The following LBH variants were observed in gnomAD, a reference collection of about 807,000 sequenced individuals.
LBH encodes LBH regulator of Wnt signaling pathway, also known as protein LBH.
LBH carries 7 observed loss-of-function variants against 12.5 expected under a neutral mutation model. The ratio of observed to expected loss-of-function variants is 0.56; its 90% confidence interval spans 0.32 to 1.05. LBH has a LOEUF of 1.05. Ranked by LOEUF, LBH falls within the 50% of genes least tolerant of loss-of-function variation. The pLI, the probability that LBH is intolerant of heterozygous loss-of-function variation, is 0.04. For missense variants in LBH, 119 were observed against 138.9 expected (o/e 0.86, Z 0.72); for synonymous variants, 51 against 50.1 (o/e 1.02, Z -0.08).
chr2:30,246,008 G>A (rs1409684518), intron 2 of LBH, among the ~76,000 whole-genome samples: 1 of 149,566 alleles, frequency 6.7e-6, no homozygotes, highest in African/African-American at 2.5e-5. Flanking sequence ...CCGTCACCCA[G>A]GATGCAGTGG....
At chr2:30,237,690 G>A (rs1227233191) in intron 2 of LBH, among the ~76,000 whole-genome samples, 1 of 152,188 alleles carries the variant, frequency 6.6e-6, no homozygotes, top group East Asian at 1.9e-4. Flanking sequence ...TCCCCTGAAA[G>A]ATTCAAGGAA....
intron 2 of LBH, among the ~76,000 whole-genome samples, chr2:30,251,285 G>A (rs1003904876): frequency 2.0e-5 from 3 of 151,922 alleles, no homozygotes; most frequent in African/African-American, 4.8e-5. Flanking sequence ...ACTGGACAGC[G>A]CAGATAGAGA....
chr2:30,238,693 G>C (rs1354478153), intron 2 of LBH, among the ~76,000 whole-genome samples: 1 of 152,124 alleles, frequency 6.6e-6, no homozygotes, highest in East Asian at 1.9e-4. Flanking sequence ...GCAGGCTAGC[G>C]GGCTGACTTT....
chr2:30,240,296 C>T (rs766058195), intron 2 of LBH, among the ~76,000 whole-genome samples: 3 of 152,152 alleles, frequency 2.0e-5, no homozygotes, highest in South Asian at 2.1e-4. Context: ...CGGTCTCCCA[C>T]GTTGGATAGA....
intron 1 of LBH, among the ~76,000 whole-genome samples, chr2:30,233,295 A>C (rs901525465): frequency 6.6e-6 from 1 of 152,266 alleles, no homozygotes; most frequent in Non-Finnish European, 1.5e-5. Flanking sequence ...CAAACAGGAC[A>C]CTTGTGGCTC....
chr2:30,256,096 A>G (rs562133849), intron 2 of LBH, among the ~76,000 whole-genome samples: 12 of 152,312 alleles, frequency 7.9e-5, no homozygotes, highest in Non-Finnish European at 1.5e-4. Context: ...TGTGAATGGC[A>G]GGGACCAGCA....
At chr2:30,242,451 C>G (rs2103558742) in intron 2 of LBH, among the ~76,000 whole-genome samples, 1 of 152,204 alleles carries the variant, frequency 6.6e-6, no homozygotes, top group Middle Eastern at 3.4e-3. Context: ...GCCTTGTTGG[C>G]CAGGCTGGTC....
rs1677585513 is a variant in LBH at position 30,231,614 on chromosome 2, C to G, written c.-125C>G. 1.1e-6 allele frequency: 1 copy of G among 908,848 alleles called. No homozygotes were observed. Among genetic ancestry groups the G allele is most frequent in the Non-Finnish European group, 1.8e-6 (1 of 564,210 alleles). 56.3% of individuals were successfully genotyped at this position (908,848 alleles called of 1,614,324 possible). ...CGTGGGGCTGTCCTGGGAAGGCGGA[C>G]GGCGAGCGCCCGGTGTCCGCACTCG... On this transcript the variant is annotated 5_prime_UTR_variant, in exon 1 of 3. Transcript: ENST00000395323.
intron 2 of LBH, among the ~76,000 whole-genome samples, chr2:30,240,110 C>CT (rs1286090840): frequency 6.6e-6 from 1 of 152,210 alleles, no homozygotes; most frequent in African/African-American, 2.4e-5. Flanking sequence ...GGGGCTGTGT[C>CT]TTAGGCTGCT....
chr2:30,238,580 A>G (rs1188747498), intron 2 of LBH, among the ~76,000 whole-genome samples: 4 of 152,190 alleles, frequency 2.6e-5, no homozygotes, highest in East Asian at 1.9e-4. Context: ...TGTGTGCACC[A>G]CACATTCCCT....
intron 2 of LBH, among the ~76,000 whole-genome samples, chr2:30,242,831 A>G (rs1360679256): frequency 2.6e-5 from 4 of 152,224 alleles, no homozygotes; most frequent in East Asian, 1.9e-4. Context: ...ATGTTCTTAC[A>G]AAGAACACTA....
intron 2 of LBH, among the ~76,000 whole-genome samples, chr2:30,250,415 T>G (rs1677958193): frequency 6.6e-6 from 1 of 152,022 alleles, no homozygotes; most frequent in Non-Finnish European, 1.5e-5. Flanking sequence ...CTCTACCTGC[T>G]GGTGTCCGCT....
At position 30,235,457 on chromosome 2, in the gene LBH, C is replaced by T. The variant is rs955844376; in HGVS notation, c.129+950C>T. 3.9e-5 allele frequency among the ~76,000 whole-genome samples: 6 copies of T among 152,234 alleles called. No individual in the cohort carries two copies. The East Asian group carries it at 7.7e-4, about 20-fold the overall frequency. ...GTATGCCCACTGCACGCCAAGCACT[C>T]TACAGACGCTGCCTTGCTCACATCT... is the stretch of plus-strand genomic sequence containing the variant. On this transcript the variant is annotated intron_variant, in intron 2 of 2. Coordinates refer to ENST00000395323, the MANE Select transcript of LBH (RefSeq NM_030915.4).
In LBH at chr2:30,259,395, G is replaced by A. The variant is rs1020951841; in HGVS notation, c.*1774G>A. On this transcript the variant is annotated 3_prime_UTR_variant, in exon 3 of 3. Transcript: ENST00000395323. ...TCCAACTCCTCGCAGAAGTGGGAGA[G>A]GCCGGCAGCCTGCACCGAGAGGGGC... 1 of 152,682 alleles carries A rather than the reference G, an allele frequency of 6.5e-6. No homozygotes were observed. The highest frequency in any genetic ancestry group is 2.4e-5 in the African/African-American group (1 of 41,424). The allele number at this position is 152,682 out of a possible 1,614,324, so 9.5% of individuals were successfully genotyped here.
At chr2:30,233,336 A>T (rs1300876741) in intron 1 of LBH, among the ~76,000 whole-genome samples, 1 of 152,242 alleles carries the variant, frequency 6.6e-6, no homozygotes, top group Non-Finnish European at 1.5e-5. Context: ...TCAAGATCAC[A>T]CAGTTCTTGA....
At chr2:30,240,754 C>A (rs1476627152) in intron 2 of LBH, among the ~76,000 whole-genome samples, 1 of 152,198 alleles carries the variant, frequency 6.6e-6, no homozygotes, top group African/African-American at 2.4e-5. Flanking sequence ...CCCTCAAGCC[C>A]CCTCTCCGGT....
chr2:30,238,877 T>TC lies in LBH; in HGVS notation c.129+4374dup, dbSNP rs1187489228. Among the ~76,000 whole-genome samples the TC allele has an allele frequency of 2.3e-5, 3 of 131,106 alleles. No individual in the cohort carries two copies. The East Asian group carries it at 6.5e-4, about 29-fold the overall frequency. The allele number at this position is 131,106 out of a possible 152,430, so 86.0% of individuals were successfully genotyped here. The stretch of plus-strand genomic sequence containing the variant: ...ATAGCCACCTTCTTTCTCTCACTCC[T>TC]CCCCACTCTTTTTTTTTTTTTTTTT... On this transcript the variant is annotated intron_variant, in intron 2 of 2. Coordinates refer to ENST00000395323, the MANE Select transcript of LBH (RefSeq NM_030915.4).
At chr2:30,239,623 G>A (rs1460429087) in intron 2 of LBH, among the ~76,000 whole-genome samples, 1 of 152,070 alleles carries the variant, frequency 6.6e-6, no homozygotes, top group African/African-American at 2.4e-5. Flanking sequence ...ATGTTCCTGG[G>A]ATTGCAACAA....
At chr2:30,242,005 T>C (rs1677799287) in intron 2 of LBH, among the ~76,000 whole-genome samples, 1 of 152,204 alleles carries the variant, frequency 6.6e-6, no homozygotes, top group East Asian at 1.9e-4. Flanking sequence ...TGTAATATTA[T>C]ATCATAAAGT....
Sources: gnomAD v4.1 joint callset for allele counts (sites outside exome capture counted in the v4.1 genomes callset) on GRCh38, gnomAD v4.1.1 for gene constraint, MANE v1.5 for transcripts, NCBI Gene and HGNC (gene_info 2026-07-23, HGNC 2026-07-21) for gene names.